The following PCDH9 variants were observed in gnomAD, a reference collection of about 807,000 sequenced individuals.
PCDH9 encodes the protein protocadherin-9.
In PCDH9, 24 loss-of-function variants were observed where a neutral mutation model predicts 70.6. The observed-to-expected ratio is 0.34, with a 90% CI of 0.25 to 0.48. The LOEUF (loss-of-function observed/expected upper bound fraction) is 0.48. Among genes scored for constraint, PCDH9 ranks in the 20% least tolerant of loss-of-function variants. The pLI, the probability that PCDH9 is intolerant of heterozygous loss-of-function variation, is 0.99. For synonymous variants in PCDH9, 562 were observed against 558.5 expected, an observed-to-expected ratio of 1.01 and a Z score of -0.09; for missense variants, 1,281 against 1,503.6, an observed-to-expected ratio of 0.85 and a Z score of 2.45.
chr13:66,369,715 A>G (rs1247748375), intron 4 of PCDH9, among the ~76,000 whole-genome samples: 1 of 152,144 alleles, frequency 6.6e-6, no homozygotes, highest in Non-Finnish European at 1.5e-5. Flanking sequence ...CTTAAAAGTA[A>G]CAGTGCTTCT....
intron 2 of PCDH9, among the ~76,000 whole-genome samples, chr13:66,979,721 A>G (rs551209383): frequency 1.3e-5 from 2 of 152,272 alleles, no homozygotes; most frequent in African/African-American, 4.8e-5. Context: ...TTACAACTCC[A>G]AACACTACAT....
intron 2 of PCDH9, among the ~76,000 whole-genome samples, chr13:67,098,330 GCT>G (rs749858700): frequency 6.6e-6 from 1 of 152,090 alleles, no homozygotes; most frequent in Non-Finnish European, 1.5e-5. Flanking sequence ...GGATTGCCCA[GCT>G]CTGTTGTTAT....
intron 4 of PCDH9, among the ~76,000 whole-genome samples, chr13:66,474,844 C>T (rs549878516): frequency 6.6e-6 from 1 of 152,136 alleles, no homozygotes; most frequent in Non-Finnish European, 1.5e-5. Flanking sequence ...ATTTTGGTCG[C>T]TAAGGTTTCT....
intron 4 of PCDH9, among the ~76,000 whole-genome samples, chr13:66,566,979 A>T (rs1005402298): frequency 1.3e-5 from 2 of 152,172 alleles, no homozygotes; most frequent in Admixed American, 1.3e-4. Flanking sequence ...CACTAGGATC[A>T]TGTGGAAATA....
rs1566228542 is a variant in PCDH9 at position 66,304,588 on chromosome 13, A to G, written c.*67T>C. The stretch of plus-strand genomic sequence containing the variant: ...ATAGTTGTAGAGATCTATTGAATAC[A>G]TAAAGCTCTGACGCACACGGTATTA... On this transcript the variant is annotated 3_prime_UTR_variant, in exon 5 of 5. Coordinates refer to ENST00000377865, the MANE Select transcript of PCDH9 (RefSeq NM_203487.3). 1.2e-5 allele frequency: 15 copies of G among 1,273,818 alleles called. No homozygotes were observed. The highest frequency in any genetic ancestry group is 2.3e-5 in the East Asian group (1 of 43,120). The allele number at this position is 1,273,818 out of a possible 1,614,324, so 78.9% of individuals were successfully genotyped here.
chr13:66,668,830 T>C lies in PCDH9; in HGVS notation c.3139-37419A>G, dbSNP rs1486052992. Among the ~76,000 whole-genome samples the C allele has an allele frequency of 3.3e-5, 5 of 152,288 alleles. No homozygotes were observed. The East Asian group carries it at 9.6e-4, about 29-fold the overall frequency. On this transcript the variant is annotated intron_variant, in intron 3 of 4. Transcript: ENST00000377865. ...CATTATAATGCAGAGGTATTTGTATTGTTAGCCCCAATTATTTTTAAATCT... is the reference window on the plus strand; with the variant it reads ...CATTATAATGCAGAGGTATTTGTATCGTTAGCCCCAATTATTTTTAAATCT...
intron 4 of PCDH9, among the ~76,000 whole-genome samples, chr13:66,513,569 T>C (rs560681857): frequency 1.3e-5 from 2 of 152,222 alleles, no homozygotes; most frequent in Non-Finnish European, 2.9e-5. Flanking sequence ...AAAACCATGA[T>C]TTCATAAATC....
intron 3 of PCDH9, among the ~76,000 whole-genome samples, chr13:66,856,627 T>A (rs2081399431): frequency 6.6e-6 from 1 of 152,066 alleles, no homozygotes; most frequent in African/African-American, 2.4e-5. Context: ...AAGAGGTTTA[T>A]CCACCCTGTC....
intron 4 of PCDH9, among the ~76,000 whole-genome samples, chr13:66,387,834 T>A (rs1041748905): frequency 6.6e-6 from 1 of 152,162 alleles, no homozygotes; most frequent in African/African-American, 2.4e-5. Flanking sequence ...ACCAGGAGCT[T>A]CTCAAACACA....
chr13:67,211,093 T>C (rs1447389382), intron 2 of PCDH9: 1 of 152,028 alleles, frequency 6.6e-6, no homozygotes, highest in Non-Finnish European at 1.5e-5. Context: ...ATTTTCATAG[T>C]ATTAAGAAGT....
intron 2 of PCDH9, among the ~76,000 whole-genome samples, chr13:67,106,223 C>T (rs543175089): frequency 6.6e-6 from 1 of 152,252 alleles, no homozygotes; most frequent in East Asian, 1.9e-4. Context: ...ACTCTTGGGG[C>T]TCTGCTCTAT....
At chr13:66,458,805 C>T (rs901298512) in intron 4 of PCDH9, among the ~76,000 whole-genome samples, 2 of 151,960 alleles carry the variant, frequency 1.3e-5, no homozygotes, top group African/African-American at 2.4e-5. Context: ...ATAAAGTAGA[C>T]CTAACCACTT....
chr13:66,576,196 T>C (rs181687375), intron 4 of PCDH9, among the ~76,000 whole-genome samples: 2 of 152,086 alleles, frequency 1.3e-5, no homozygotes, highest in Non-Finnish European at 2.9e-5. Flanking sequence ...ATAAACACTT[T>C]ATTTCTTTGA....
At chr13:66,764,561 A>G (rs1487585199) in intron 3 of PCDH9, among the ~76,000 whole-genome samples, 1 of 152,124 alleles carries the variant, frequency 6.6e-6, no homozygotes, top group Non-Finnish European at 1.5e-5. Context: ...AGCATAATGT[A>G]ATTTTAGAAT....
chr13:66,329,526 G>C (rs559488362), intron 4 of PCDH9, among the ~76,000 whole-genome samples: 2 of 152,126 alleles, frequency 1.3e-5, no homozygotes, highest in African/African-American at 4.8e-5. Flanking sequence ...CTTTTTCCTT[G>C]AGAGAGTATA....
chr13:66,719,265 T>G (rs140522632), intron 3 of PCDH9, among the ~76,000 whole-genome samples: 216 of 152,232 alleles, frequency 1.4e-3, no homozygotes, highest in African/African-American at 5.0e-3. Flanking sequence ...TTTCAAATAC[T>G]AATATAATGG....
chr13:66,627,758 C>T (rs930490511), intron 4 of PCDH9, among the ~76,000 whole-genome samples: 3 of 152,128 alleles, frequency 2.0e-5, no homozygotes, highest in Non-Finnish European at 2.9e-5. Flanking sequence ...TTGTGCTGTC[C>T]ATTGGGTGTC....
intron 2 of PCDH9, among the ~76,000 whole-genome samples, chr13:67,120,921 G>A (rs1190570963): frequency 2.0e-5 from 3 of 150,416 alleles, no homozygotes; most frequent in African/African-American, 4.9e-5. Context: ...CTTGGGCCAC[G>A]ACAGACAGAA....
intron 2 of PCDH9, among the ~76,000 whole-genome samples, chr13:66,993,354 C>T (rs1030581455): frequency 5.3e-5 from 8 of 152,124 alleles, no homozygotes; most frequent in African/African-American, 1.9e-4. Flanking sequence ...ATTCTAACTT[C>T]CTAAAAAATA....
Sources: gnomAD v4.1 joint callset for allele counts (sites outside exome capture counted in the v4.1 genomes callset) on GRCh38, gnomAD v4.1.1 for gene constraint, MANE v1.5 for transcripts, NCBI Gene and HGNC (gene_info 2026-07-23, HGNC 2026-07-21) for gene names.